CCDC80: variants seen among roughly 807,000 people sequenced by gnomAD.
The protein encoded by CCDC80 is coiled-coil domain-containing protein 80.
In CCDC80, 49 loss-of-function variants were observed where a neutral mutation model predicts 78.7. The observed-to-expected ratio is 0.62, with a 90% confidence interval of 0.50 to 0.79. The LOEUF is 0.79. Among genes scored for constraint, CCDC80 ranks in the 30% least tolerant of loss-of-function variants. The pLI, the probability that CCDC80 is intolerant of heterozygous loss-of-function variation, is 0.00. For missense variants in CCDC80, 1,205 were observed against 1,198.6 expected (o/e 1.01, Z -0.08); for synonymous variants, 488 against 447.0 (o/e 1.09, Z -1.16).
At position 112,639,269 on chromosome 3, in the gene CCDC80, G is replaced by A. The variant is rs1936287338; in HGVS notation, c.637C>T (p.Pro213Ser). ...TTAGGGATGAGGCTAGGGTCCAGGG[G>A]CTGCTCCAGGATCTGGCCCTCGCTG... ...ITSEGQILEQ[P>S]LDPSLIPKLM... The change falls in exon 2 of 8, where the codon CCC (proline) becomes TCC (serine). Residue 213 changes from proline (P) to serine (S), a missense_variant. Physicochemically the swap from Pro to Ser is moderately conservative, Grantham distance 74 (BLOSUM62 -1). Coordinates refer to ENST00000206423, the MANE Select transcript of CCDC80 (RefSeq NM_199511.3). 2 of 1,614,180 alleles carry A rather than the reference G, an allele frequency of 1.2e-6. No homozygotes were observed. Among genetic ancestry groups the A allele is most frequent in the Non-Finnish European group, 8.5e-7 (1 of 1,180,030 alleles).
intron 7 of CCDC80, among the ~76,000 whole-genome samples, chr3:112,606,586 T>C (rs1369213912): frequency 1.4e-5 from 2 of 146,020 alleles, no homozygotes; most frequent in East Asian, 4.0e-4. Flanking sequence ...CCACCATGCC[T>C]GGCTAATTTT....
intron 3 of CCDC80, among the ~76,000 whole-genome samples, chr3:112,620,468 A>G (rs1300193267): frequency 2.0e-5 from 3 of 152,120 alleles, no homozygotes; most frequent in African/African-American, 7.2e-5. Context: ...ATTTAAATTA[A>G]TTTACAATTA....
intron 2 of CCDC80, 99 bp from the exon 3 acceptor site, chr3:112,630,368 A>T: frequency 8.7e-7 from 1 of 1,144,624 alleles, no homozygotes; most frequent in African/African-American, 1.5e-5. Context: ...GCTGGTAGTG[A>T]CTGCATCTAA....
In CCDC80 at chr3:112,604,356, C is replaced by CA. The variant is rs1298436764; in HGVS notation, c.*1060dup. 1 of 152,208 alleles carries CA rather than the reference C, an allele frequency of 6.6e-6. No individual in the cohort carries two copies. Among genetic ancestry groups the CA allele is most frequent in the African/African-American group, 2.4e-5 (1 of 41,472 alleles). 9.4% of individuals were successfully genotyped at this position (152,208 alleles called of 1,614,324 possible). ...TCTTATTTTAAGAAATTGCCACCAT[C>CA]ACCCCCAACCTTCAGTAACCACCAC... On this transcript the variant is annotated 3_prime_UTR_variant, in exon 8 of 8. Transcript: ENST00000206423.
intron 3 of CCDC80, among the ~76,000 whole-genome samples, chr3:112,620,740 A>G (rs942517754): frequency 2.1e-4 from 32 of 152,310 alleles, no homozygotes; most frequent in African/African-American, 7.7e-4. Flanking sequence ...AAAGAAAATC[A>G]TTCAAAAACT....
intron 5 of CCDC80, among the ~76,000 whole-genome samples, chr3:112,612,040 CT>C (rs754201530): frequency 0.31 from 41,077 of 133,406 alleles, 7,164 homozygotes; most frequent in East Asian, 0.52. Flanking sequence ...ACTTCCTCTG[CT>C]TTTTTTTTTT....
intron 2 of CCDC80, among the ~76,000 whole-genome samples, chr3:112,632,904 C>A (rs999070715): frequency 6.6e-6 from 1 of 152,146 alleles, no homozygotes; most frequent in African/African-American, 2.4e-5. Flanking sequence ...CTCTTTACCC[C>A]CTAGAGCCAG....
rs1363355227 is a variant in CCDC80 at position 112,603,373 on chromosome 3, G to C, written c.*2044C>G. 1 of 151,624 alleles carries C rather than the reference G, an allele frequency of 6.6e-6. No homozygotes were observed. The highest frequency in any genetic ancestry group is 1.9e-4 in the East Asian group (1 of 5,180). 9.4% of individuals were successfully genotyped at this position (151,624 alleles called of 1,614,324 possible). A position where few individuals can be genotyped will look rare whatever the true frequency, so the allele number is the denominator to read the frequency against. On this transcript the variant is annotated 3_prime_UTR_variant, in exon 8 of 8. Transcript: ENST00000206423. ...CTACTAAAAATACAAAAATAAGCTG[G>C]GTGTAGTGGTGGGCGCCTGTAAATC...
At chr3:112,628,095 C>T (rs1936016453) in intron 3 of CCDC80, among the ~76,000 whole-genome samples, 1 of 152,286 alleles carries the variant, frequency 6.6e-6, no homozygotes, top group East Asian at 1.9e-4. Flanking sequence ...ACACTGGGAA[C>T]ACCTGGTTTG....
At position 112,604,121 on chromosome 3, in the gene CCDC80, G is replaced by C. The variant is rs979652176; in HGVS notation, c.*1296C>G. On this transcript the variant is annotated 3_prime_UTR_variant, in exon 8 of 8. Coordinates refer to ENST00000206423, the MANE Select transcript of CCDC80 (RefSeq NM_199511.3). ...ATTTCTTGAGATGGAATCTACTCGCGTAAGTTGCTATGTACATTATTGAAA... is the reference window on the plus strand; with the variant it reads ...ATTTCTTGAGATGGAATCTACTCGCCTAAGTTGCTATGTACATTATTGAAA... 2.6e-5 allele frequency: 4 copies of C among 152,308 alleles called. No individual in the cohort carries two copies. Among genetic ancestry groups the C allele is most frequent in the Admixed American group, 2.6e-4 (4 of 15,306 alleles). The allele number at this position is 152,308 out of a possible 1,614,324, so 9.4% of individuals were successfully genotyped here.
Position 112,605,645 on chromosome 3 carries a change from G to T in CCDC80, c.2625C>A (p.Val875=), listed in dbSNP as rs1160865873. 1 of 1,614,210 alleles carries T rather than the reference G, an allele frequency of 6.2e-7. No individual in the cohort carries two copies. Among genetic ancestry groups the T allele is most frequent in the African/African-American group, 1.3e-5 (1 of 75,058 alleles). ...ACATTGGGGAAGGATACCAGGATTTGACATTTCCGTCTTTTCCGACTAGAA... is the reference window on the plus strand; with the variant it reads ...ACATTGGGGAAGGATACCAGGATTTTACATTTCCGTCTTTTCCGACTAGAA... The part of the protein sequence containing the change: ...SMLLVGKDGN[V]KSWYPSPMWS... The change falls in exon 8 of 8, where the codon GTC becomes GTA. Residue 875 remains valine, a synonymous_variant. Coordinates refer to ENST00000206423, the MANE Select transcript of CCDC80 (RefSeq NM_199511.3).
intron 3 of CCDC80, among the ~76,000 whole-genome samples, chr3:112,625,458 A>G (rs1935947125): frequency 1.3e-5 from 2 of 152,218 alleles, no homozygotes; most frequent in South Asian, 4.1e-4. Flanking sequence ...TTGTTCATAT[A>G]TAGCTCTATG....
chr3:112,610,192 A>G (rs1260017998), intron 5 of CCDC80, 111 bp from the exon 6 acceptor site: 2 of 833,096 alleles, frequency 2.4e-6, no homozygotes, highest in East Asian at 5.3e-5. Context: ...CCCAGAAAAA[A>G]AAAAAGAAAA....
chr3:112,630,044 T>G (rs1936064850), intron 3 of CCDC80, 69 bp downstream of exon 3: 1 of 1,446,482 alleles, frequency 6.9e-7, no homozygotes, highest in Admixed American at 1.7e-5. Context: ...CCCATGTACC[T>G]CTACCATAAA....
rs1935314517 is a variant in CCDC80, at chr3:112,598,173, G to T, written c.*7244C>A. 6.6e-6 allele frequency: 1 copy of T among 152,138 alleles called. No individual in the cohort carries two copies. Among genetic ancestry groups the T allele is most frequent in the Admixed American group, 6.5e-5 (1 of 15,268 alleles). 9.4% of individuals were successfully genotyped at this position (152,138 alleles called of 1,614,324 possible). A position where few individuals can be genotyped will look rare whatever the true frequency, so the allele number is the denominator to read the frequency against. On this transcript the variant is annotated 3_prime_UTR_variant, in exon 8 of 8. Coordinates refer to ENST00000206423, the MANE Select transcript of CCDC80 (RefSeq NM_199511.3). ...TCTAAAGATAGTTCATAAAAAGCAA[G>T]CCAAAGATAGAAAAGAGAGCTAAGG...
chr3:112,628,042 G>A (rs1936013791), intron 3 of CCDC80, among the ~76,000 whole-genome samples: 1 of 152,174 alleles, frequency 6.6e-6, no homozygotes, highest in African/African-American at 2.4e-5. Flanking sequence ...CTGAAATAAG[G>A]AATGAGAACA....
rs1403977773 is a variant in CCDC80 at position 112,634,830 on chromosome 3, T to A, written c.1878+3198A>T. Among the ~76,000 whole-genome samples the A allele has an allele frequency of 2.0e-5, 3 of 152,260 alleles. No homozygotes were observed. The East Asian group carries it at 5.8e-4, about 29-fold the overall frequency. On this transcript the variant is annotated intron_variant, in intron 2 of 7. Transcript: ENST00000206423. ...AAAGGGAGATTGGCCTGAATTTGAG[T>A]TTTCAACTCAAACAGATCTGAATTC... is the stretch of plus-strand genomic sequence containing the variant.
intron 6 of CCDC80, 49 bp from the exon 7 acceptor site, chr3:112,607,305 A>T (rs752817826): frequency 2.1e-6 from 3 of 1,400,566 alleles, no homozygotes; most frequent in Admixed American, 2.0e-5. Flanking sequence ...ATTAGAAGTT[A>T]TCTTTTACTT....
At chr3:112,610,211 A>T (rs562647798) in intron 5 of CCDC80, 130 bp from the exon 6 acceptor site, 1 of 750,520 alleles carries the variant, frequency 1.3e-6, no homozygotes, top group African/African-American at 1.8e-5. Flanking sequence ...AAAAACAGAG[A>T]ACTGTCCCAT....
Sources: allele counts gnomAD v4.1 joint callset (sites outside exome capture counted in the v4.1 genomes callset), GRCh38; gene constraint gnomAD v4.1.1; transcripts MANE v1.5; gene names NCBI Gene and HGNC (gene_info 2026-07-23, HGNC 2026-07-21).